Variants in R3HDM2 observed in about 807,000 individuals in gnomAD.
R3HDM2 encodes R3H domain containing 2, also known as R3H domain-containing protein 2.
In R3HDM2, 38 loss-of-function variants were observed where a neutral mutation model predicts 124.5. That is an observed-to-expected ratio of 0.31 (90% CI 0.24 to 0.40). R3HDM2 has a LOEUF of 0.40. Ranked by LOEUF, R3HDM2 falls within the 10% of genes least tolerant of loss-of-function variation. The pLI is 1.00. For synonymous variants in R3HDM2, 391 were observed against 448.0 expected, an observed-to-expected ratio of 0.87 and a Z score of 1.61; for missense variants, 869 against 1,236.9, an observed-to-expected ratio of 0.70 and a Z score of 4.46.
Position 57,255,094 on chromosome 12 carries a change from C to T in R3HDM2, c.2652G>A (p.Glu884=). ...TADVVLGRVL[E]VTDLPEGITR... The stretch of plus-strand genomic sequence containing the variant: ...TGATGCCCTCAGGGAGATCTGTCAC[C>T]TCCAGCACCCGCCCCAGGACTGGAA... Residue 884 remains glutamate (E), a synonymous_variant, in exon 24 of 24, where the codon GAG becomes GAA. Transcript: ENST00000402412. The T allele has an allele frequency of 6.3e-7, 1 of 1,593,384 alleles. No homozygotes were observed. Among genetic ancestry groups the T allele is most frequent in the South Asian group, 1.1e-5 (1 of 87,442 alleles).
At chr12:57,427,347 T>A (rs553139574) in intron 1 of R3HDM2, among the ~76,000 whole-genome samples, 1 of 101,492 alleles carries the variant, frequency 9.9e-6, no homozygotes, top group South Asian at 3.2e-4. Flanking sequence ...ATGCCTGCTC[T>A]CCTGAAGCTT....
intron 2 of R3HDM2, among the ~76,000 whole-genome samples, chr12:57,391,213 A>C (rs566657162): frequency 1.3e-5 from 2 of 152,310 alleles, no homozygotes; most frequent in East Asian, 3.9e-4. Flanking sequence ...TGAATGATTA[A>C]GCAAATGCGT....
chr12:57,330,691 TTTC>T lies in R3HDM2; in HGVS notation c.-35-20231_-35-20229del, dbSNP rs1362278292. On this transcript the variant is annotated intron_variant, in intron 2 of 23. Transcript: ENST00000402412. ...GATTTTTTGTGGCATCTTTAGGGCT[TTTC>T]TTTTTTTTTTTTTTTTTTTTTTGAG... Among the ~76,000 whole-genome samples the T allele has an allele frequency of 3.7e-4, 40 of 106,998 alleles. 2 individuals carry two copies. The highest frequency in any genetic ancestry group is 2.2e-3 in the East Asian group (5 of 2,252). 70.2% of individuals were successfully genotyped at this position (106,998 alleles called of 152,430 possible). A position where few individuals can be genotyped will look rare whatever the true frequency, so the allele number is the denominator to read the frequency against.
At chr12:57,297,468 A>G in intron 7 of R3HDM2, 81 bp from the exon 8 acceptor site, 1 of 830,834 alleles carries the variant, frequency 1.2e-6, no homozygotes, top group Middle Eastern at 2.3e-4. Flanking sequence ...GATTGAAAAC[A>G]CAACTTGCTC....
At chr12:57,336,672 G>A (rs553968052) in intron 2 of R3HDM2, among the ~76,000 whole-genome samples, 2 of 152,236 alleles carry the variant, frequency 1.3e-5, no homozygotes, top group Admixed American at 1.3e-4. Context: ...TGAGCGGGGA[G>A]GGTGACAGGA....
intron 2 of R3HDM2, among the ~76,000 whole-genome samples, chr12:57,384,609 A>C (rs2065425970): frequency 6.6e-6 from 1 of 152,348 alleles, no homozygotes; most frequent in East Asian, 1.9e-4. Context: ...TTGCATAAAG[A>C]AAGCTATAAC....
intron 1 of R3HDM2, among the ~76,000 whole-genome samples, chr12:57,407,307 C>A (rs1279131391): frequency 1.3e-5 from 2 of 151,516 alleles, no homozygotes; most frequent in African/African-American, 4.9e-5. Context: ...CTATAACAGA[C>A]TTTATTTGGA....
intron 19 of R3HDM2, among the ~76,000 whole-genome samples, chr12:57,259,916 G>A (rs190810958): frequency 2.5e-4 from 38 of 152,156 alleles, no homozygotes; most frequent in African/African-American, 8.4e-4. Flanking sequence ...TAACTCAAAC[G>A]GCCAAATGTA....
At position 57,280,567 on chromosome 12, in the gene R3HDM2, A is replaced by G. The variant is rs926265529; in HGVS notation, c.1172-37T>C. 9.0e-6 allele frequency: 14 copies of G among 1,549,740 alleles called. No individual in the cohort carries two copies. In the South Asian group the frequency reaches 1.2e-4, roughly 13 times the overall value. ...AAGAAACCCACAAAAAGTTGTAAGC[A>G]TAAGCCACGAACACATTATCCCTGG... On this transcript the variant is annotated intron_variant, in intron 13 of 23. Transcript: ENST00000402412.
Position 57,296,497 on chromosome 12 carries a change from G to A in R3HDM2, c.615C>T (p.His205=). The A allele has an allele frequency of 1.3e-6, 2 of 1,552,032 alleles. No individual in the cohort carries two copies. Among genetic ancestry groups the A allele is most frequent in the Non-Finnish European group, 1.7e-6 (2 of 1,146,980 alleles). The change falls in exon 9 of 24, where the codon CAC becomes CAT. Residue 205 remains histidine (H), a synonymous_variant. Transcript: ENST00000402412. The surrounding 1 kb of genome is among the most constrained non-coding windows in gnomAD (Gnocchi z 4.5). ...QMTSYHRMLL[H]RVAAYFGMDH... is the part of the protein sequence containing the mutation. ...CCATCCCAAAATAGGCAGCTACCCGGTGTAATAGCATCCGGTGATATGAGG... is the reference window on the plus strand; with the variant it reads ...CCATCCCAAAATAGGCAGCTACCCGATGTAATAGCATCCGGTGATATGAGG...
At chr12:57,318,872 A>C (rs1166786879) in intron 2 of R3HDM2, among the ~76,000 whole-genome samples, 1 of 152,220 alleles carries the variant, frequency 6.6e-6, no homozygotes, top group East Asian at 1.9e-4. Context: ...AGAGAAGTTA[A>C]ACACTTTGCT....
intron 2 of R3HDM2, among the ~76,000 whole-genome samples, chr12:57,375,198 A>G (rs2063884265): frequency 1.3e-5 from 2 of 152,054 alleles, no homozygotes. Flanking sequence ...ATAAATAAAA[A>G]TATACACCTC....
intron 1 of R3HDM2, among the ~76,000 whole-genome samples, chr12:57,427,681 T>C (rs1383132218): frequency 2.0e-5 from 3 of 151,898 alleles, no homozygotes; most frequent in Non-Finnish European, 4.4e-5. Context: ...GATTAAAATA[T>C]ATAATACGTT....
chr12:57,416,455 ATACTTGGC>A (rs2069613741), intron 1 of R3HDM2, among the ~76,000 whole-genome samples: 1 of 152,216 alleles, frequency 6.6e-6, no homozygotes, highest in African/African-American at 2.4e-5. Context: ...ATTAACCAAA[ATACTTGGC>A]TGCCCAATAG....
At chr12:57,404,156 C>T (rs11172199) in intron 1 of R3HDM2, among the ~76,000 whole-genome samples, 143,385 of 147,404 alleles carry the variant, frequency 0.97, 69,871 homozygotes, top group Middle Eastern at 1. Context: ...CCTCTGCCTC[C>T]CGGGTTCAAG....
intron 14 of R3HDM2, among the ~76,000 whole-genome samples, chr12:57,271,731 C>T (rs2043630557): frequency 6.6e-6 from 1 of 152,166 alleles, no homozygotes; most frequent in Non-Finnish European, 1.5e-5. Context: ...TGGAAGTTAT[C>T]AACTATGAGG....
chr12:57,359,419 T>C (rs2137509758), intron 2 of R3HDM2, among the ~76,000 whole-genome samples: 1 of 152,312 alleles, frequency 6.6e-6, no homozygotes, highest in South Asian at 2.1e-4. Context: ...CTTGAAGAAC[T>C]AACTCCTCTT....
chr12:57,383,440 T>G (rs971104365), intron 2 of R3HDM2, among the ~76,000 whole-genome samples: 2 of 152,070 alleles, frequency 1.3e-5, no homozygotes, highest in African/African-American at 4.8e-5. Flanking sequence ...CTGTGGCTAA[T>G]GCCTGTAATC....
intron 2 of R3HDM2, among the ~76,000 whole-genome samples, chr12:57,312,014 G>C (rs1448092138): frequency 6.6e-6 from 1 of 152,138 alleles, no homozygotes; most frequent in Non-Finnish European, 1.5e-5. Flanking sequence ...AGTTTGCAGA[G>C]GTTTCTCCTT....
Sources: gnomAD v4.1 joint callset for allele counts (sites outside exome capture counted in the v4.1 genomes callset) on GRCh38, gnomAD v4.1.1 for gene constraint, Gnocchi (gnomAD v3.1) non-coding constraint, MANE v1.5 for transcripts, NCBI Gene and HGNC (gene_info 2026-07-23, HGNC 2026-07-21) for gene names.